Variants in ADAM29 observed in about 807,000 individuals in gnomAD.
ADAM29 encodes ADAM metallopeptidase domain 29, also known as disintegrin and metalloproteinase domain-containing protein 29.
For synonymous variants in ADAM29, 367 were observed against 342.3 expected (o/e 1.07, Z -0.80); for missense variants, 969 against 1,001.8 (o/e 0.97, Z 0.44).
chr4:174,926,606 C>T (rs919332577), intron 2 of ADAM29, among the ~76,000 whole-genome samples: 1 of 150,702 alleles, frequency 6.6e-6, no homozygotes, highest in Non-Finnish European at 1.5e-5. Context: ...TTAATAAATA[C>T]ATTAAAAACC....
intron 4 of ADAM29, among the ~76,000 whole-genome samples, chr4:174,968,316 T>C (rs1173053114): frequency 2.6e-5 from 4 of 152,182 alleles, no homozygotes; most frequent in Non-Finnish European, 5.9e-5. Context: ...GGAACAGCTC[T>C]AGCTTACTGT....
At chr4:174,953,299 A>C (rs559576722) in intron 4 of ADAM29, among the ~76,000 whole-genome samples, 3 of 152,200 alleles carry the variant, frequency 2.0e-5, no homozygotes, top group Non-Finnish European at 2.9e-5. Flanking sequence ...ACAAAAAAAA[A>C]GAATGCTAAT....
At chr4:174,948,293 T>G (rs11133066) in intron 4 of ADAM29, among the ~76,000 whole-genome samples, 106,941 of 152,088 alleles carry the variant, frequency 0.7, 39,213 homozygotes, top group Non-Finnish European at 0.8. Flanking sequence ...TCTGGGCTGA[T>G]GATCCTCCCA....
chr4:174,934,484 T>C (rs934479227), intron 3 of ADAM29, among the ~76,000 whole-genome samples: 9 of 152,204 alleles, frequency 5.9e-5, no homozygotes, highest in East Asian at 3.8e-4. Context: ...ATAATCTTAT[T>C]GTTCAAAACA....
intron 4 of ADAM29, among the ~76,000 whole-genome samples, chr4:174,965,805 AT>A (rs1746126642): frequency 6.6e-6 from 1 of 151,548 alleles, no homozygotes; most frequent in Non-Finnish European, 1.5e-5. Context: ...TCATGATCTC[AT>A]TTAAACCTAA....
chr4:174,978,096 G>C lies in ADAM29; in HGVS notation c.*108G>C. ...GTCAACCTCATGTGACACCTTACCG[G>C]AGTAAAAGTGGTAAACAAAAGCAAT... On this transcript the variant is annotated 3_prime_UTR_variant, in exon 5 of 5. Transcript: ENST00000359240. 2 of 1,519,350 alleles carry C rather than the reference G, an allele frequency of 1.3e-6. No individual in the cohort carries two copies. The highest frequency in any genetic ancestry group is 1.8e-6 in the Non-Finnish European group (2 of 1,124,532). 94.1% of individuals were successfully genotyped at this position (1,519,350 alleles called of 1,614,324 possible).
intron 4 of ADAM29, among the ~76,000 whole-genome samples, chr4:174,974,726 T>C (rs1343381531): frequency 6.6e-6 from 1 of 152,242 alleles, no homozygotes; most frequent in South Asian, 2.1e-4. Context: ...GAGACACTAA[T>C]ATTTGTGAAA....
intron 4 of ADAM29, among the ~76,000 whole-genome samples, chr4:174,965,474 CTCTA>C (rs1004774136): frequency 7.1e-6 from 1 of 139,890 alleles, no homozygotes; most frequent in African/African-American, 2.8e-5. Flanking sequence ...CCACATCAAG[CTCTA>C]TCTATCATCT....
At chr4:174,923,661 C>T (rs143319890) in intron 2 of ADAM29, among the ~76,000 whole-genome samples, 13 of 151,062 alleles carry the variant, frequency 8.6e-5, no homozygotes, top group African/African-American at 2.2e-4. Context: ...CTGAACAAGC[C>T]GATCACTTTC....
intron 3 of ADAM29, among the ~76,000 whole-genome samples, chr4:174,935,526 A>ATTTTGTT (rs1314616199): frequency 6.6e-6 from 1 of 151,866 alleles, no homozygotes; most frequent in African/African-American, 2.4e-5. Flanking sequence ...TTGCTTGTTT[A>ATTTTGTT]TTTTGTTTTT....
chr4:174,928,839 T>A (rs1743678979), intron 2 of ADAM29, among the ~76,000 whole-genome samples: 1 of 152,180 alleles, frequency 6.6e-6, no homozygotes, highest in African/African-American at 2.4e-5. Flanking sequence ...GGTGTATACT[T>A]TTCAAAAGGA....
intron 4 of ADAM29, among the ~76,000 whole-genome samples, chr4:174,971,921 C>A (rs1434908301): frequency 6.6e-6 from 1 of 152,102 alleles, no homozygotes; most frequent in African/African-American, 2.4e-5. Flanking sequence ...GAATCATTTC[C>A]AATGATATGT....
At chr4:174,927,418 C>T (rs1268360772) in intron 2 of ADAM29, among the ~76,000 whole-genome samples, 1 of 152,086 alleles carries the variant, frequency 6.6e-6, no homozygotes, top group Non-Finnish European at 1.5e-5. Flanking sequence ...GAACTGGCAC[C>T]TTTACTATGT....
chr4:174,950,980 G>C (rs9997704), intron 4 of ADAM29, among the ~76,000 whole-genome samples: 80,535 of 151,854 alleles, frequency 0.53, 22,123 homozygotes, highest in Non-Finnish European at 0.58. Context: ...GTTTCCTGAG[G>C]CCTCCCAGCC....
intron 4 of ADAM29, among the ~76,000 whole-genome samples, chr4:174,955,091 T>C (rs955170910): frequency 3.3e-5 from 5 of 150,436 alleles, no homozygotes; most frequent in South Asian, 2.1e-4. Flanking sequence ...GCATTTTTTT[T>C]CAAAATGTAA....
rs1746822327 is a variant in ADAM29, at chr4:174,976,635, T to C, written c.1110T>C (p.Ser370=). The C allele has an allele frequency of 3.7e-6, 6 of 1,612,882 alleles. No individual in the cohort carries two copies. Among genetic ancestry groups the C allele is most frequent in the Non-Finnish European group, 5.1e-6 (6 of 1,179,504 alleles). ...CAATAACTAAATTTAGCAATTGTAG[T>C]TATGGTGATTTTTGGGAATATACTG... ...NPPITKFSNC[S]YGDFWEYTVE... The change falls in exon 5 of 5, where the codon AGT becomes AGC. Residue 370 remains serine (S), a synonymous_variant. Coordinates refer to ENST00000359240, the MANE Select transcript of ADAM29 (RefSeq NM_014269.4).
At chr4:174,962,769 AAAAT>A (rs1346356986) in intron 4 of ADAM29, among the ~76,000 whole-genome samples, 2 of 152,034 alleles carry the variant, frequency 1.3e-5, no homozygotes, top group African/African-American at 4.8e-5. Context: ...GTCAATGAAA[AAAAT>A]AAATTTGAAA....
At chr4:174,972,773 T>A (rs1407524209) in intron 4 of ADAM29, among the ~76,000 whole-genome samples, 1 of 152,166 alleles carries the variant, frequency 6.6e-6, no homozygotes, top group Non-Finnish European at 1.5e-5. Flanking sequence ...AGATGCCAGT[T>A]CTTTGGAGAG....
At chr4:174,920,976 C>T (rs1031947105) in intron 2 of ADAM29, among the ~76,000 whole-genome samples, 184 bp downstream of exon 2, 2 of 151,994 alleles carry the variant, frequency 1.3e-5, no homozygotes, top group African/African-American at 4.8e-5. Context: ...ATCATTACAC[C>T]AATGGGTAGT....
Sources: gnomAD v4.1 joint callset for allele counts (sites outside exome capture counted in the v4.1 genomes callset) on GRCh38, gnomAD v4.1.1 for gene constraint, MANE v1.5 for transcripts, NCBI Gene and HGNC (gene_info 2026-07-23, HGNC 2026-07-21) for gene names.